Variants in AFMID observed in about 807,000 individuals in gnomAD.
AFMID encodes the protein kynurenine formamidase.
AFMID carries 39 observed loss-of-function variants against 47.5 expected under a neutral mutation model. The ratio of observed to expected loss-of-function variants is 0.82; its 90% CI spans 0.64 to 1.07. The LOEUF (loss-of-function observed/expected upper bound fraction) is 1.07. Ranked by LOEUF, AFMID falls within the 50% of genes least tolerant of loss-of-function variation. The pLI, the probability that AFMID is intolerant of heterozygous loss-of-function variation, is 0.00. For synonymous variants in AFMID, 130 were observed against 153.2 expected (o/e 0.85, Z 1.12); for missense variants, 375 against 387.5 (o/e 0.97, Z 0.27).
At chr17:78,204,511 C>T (rs2076325110) in intron 4 of AFMID, 145 bp from the exon 5 acceptor site, 5 of 752,514 alleles carry the variant, frequency 6.6e-6, no homozygotes, top group Admixed American at 2.1e-5. Context: ...AGGGAGAGAG[C>T]CTGTCCGCTT....
intron 1 of AFMID, among the ~76,000 whole-genome samples, chr17:78,190,006 A>AT (rs747076877): frequency 1.4e-5 from 2 of 147,512 alleles, no homozygotes; most frequent in Admixed American, 1.4e-4. Flanking sequence ...TAATTTTTGT[A>AT]TTTTTAGTAG....
intron 10 of AFMID, 83 bp downstream of exon 10, chr17:78,206,133 C>T (rs2076374373): frequency 8.4e-7 from 1 of 1,185,230 alleles, no homozygotes; most frequent in African/African-American, 1.5e-5. Flanking sequence ...ACCAGGAGTT[C>T]AAGACCAGCC....
chr17:78,204,927 C>G (rs1168336376), intron 6 of AFMID, 27 bp downstream of exon 6: 2 of 1,613,928 alleles, frequency 1.2e-6, no homozygotes, highest in Non-Finnish European at 1.7e-6. Context: ...GATTTTCTTC[C>G]TGTTGGACCT....
chr17:78,202,650 G>A, intron 3 of AFMID, 47 bp downstream of exon 3: 1 of 1,578,962 alleles, frequency 6.3e-7, no homozygotes, highest in South Asian at 1.1e-5. Context: ...GGGTCCAGTG[G>A]CAGAGCTCAG....
chr17:78,205,083 C>T lies in AFMID; in HGVS notation c.468-10C>T. The T allele has an allele frequency of 6.2e-7, 1 of 1,605,488 alleles. No individual in the cohort carries two copies. Among genetic ancestry groups the T allele is most frequent in the Non-Finnish European group, 8.5e-7 (1 of 1,175,550 alleles). The stretch of plus-strand genomic sequence containing the variant: ...GTGCAAATCCAGCTCTCTGCTCTGA[C>T]CCCTCCCAGGGGAATTTACCTGTGT... On this transcript the variant is annotated splice_polypyrimidine_tract_variant and intron_variant, in intron 6 of 10. Coordinates refer to ENST00000409257, the MANE Select transcript of AFMID (RefSeq NM_001010982.5).
At chr17:78,190,352 C>T (rs1056870137) in intron 1 of AFMID, among the ~76,000 whole-genome samples, 3 of 152,082 alleles carry the variant, frequency 2.0e-5, no homozygotes, top group African/African-American at 7.2e-5. Context: ...GTGCAGTGAC[C>T]TCCTGTGGTC....
chr17:78,201,773 C>T (rs2145871158), intron 2 of AFMID, among the ~76,000 whole-genome samples: 1 of 152,196 alleles, frequency 6.6e-6, no homozygotes, highest in South Asian at 2.1e-4. Context: ...CTCTGTCCCC[C>T]AGGCTAGAGT....
intron 10 of AFMID, among the ~76,000 whole-genome samples, chr17:78,206,666 C>A (rs2076392352): frequency 6.6e-6 from 1 of 151,638 alleles, no homozygotes; most frequent in Non-Finnish European, 1.5e-5. Flanking sequence ...CCTCCTTCAT[C>A]TTCTTTCTTC....
At position 78,190,566 on chromosome 17, in the gene AFMID, G is replaced by A. The variant is rs188003991; in HGVS notation, c.64-404G>A. 13 of 172,476 alleles carry A rather than the reference G, an allele frequency of 7.5e-5. No individual in the cohort carries two copies. The East Asian group carries it at 2.1e-3, about 28-fold the overall frequency. The allele number at this position is 172,476 out of a possible 1,614,324, so 10.7% of individuals were successfully genotyped here. On this transcript the variant is annotated intron_variant, in intron 1 of 10. Coordinates refer to ENST00000409257, the MANE Select transcript of AFMID (RefSeq NM_001010982.5). ...ACACCACCACGCTCGGCTAGTTTTTGTTTTCAGTAGAGATGGGGTTTTGCC... is the reference window on the plus strand; with the variant it reads ...ACACCACCACGCTCGGCTAGTTTTTATTTTCAGTAGAGATGGGGTTTTGCC...
rs747390911 is a variant in AFMID at position 78,202,750 on chromosome 17, A to G, written c.307A>G (p.Ser103Gly). 3.9e-6 allele frequency: 6 copies of G among 1,557,008 alleles called. No homozygotes were observed. Among genetic ancestry groups the G allele is most frequent in the Admixed American group, 2.0e-5 (1 of 51,194 alleles). ...TCACGGAGGATACTGGCAGAGCGGA[A>G]GGTGAGTCGGGGGATGTGGATGGTG... Reference protein sequence around the residue: ...FFHGGYWQSGSKDESAFMVHP... With the variant: ...FFHGGYWQSGGKDESAFMVHP... Residue 103 changes from serine (S) to glycine (G), a missense_variant and splice_region_variant, in exon 4 of 11, where the codon AGT becomes GGT. Coordinates refer to ENST00000409257, the MANE Select transcript of AFMID (RefSeq NM_001010982.5).
Position 78,207,373 on chromosome 17 carries a change from T to G in AFMID, c.*436T>G, listed in dbSNP as rs986565424. ...ATCTTGGCTCACTGCAACCTCCACCTCCCGGGTTCAAGCAATTCTCCTGCC... is the reference window on the plus strand; with the variant it reads ...ATCTTGGCTCACTGCAACCTCCACCGCCCGGGTTCAAGCAATTCTCCTGCC... On this transcript the variant is annotated 3_prime_UTR_variant, in exon 11 of 11. Transcript: ENST00000409257. The G allele has an allele frequency of 4.4e-5, 6 of 135,390 alleles. No homozygotes were observed. Among genetic ancestry groups the G allele is most frequent in the African/African-American group, 1.9e-4 (6 of 31,208 alleles). 8.4% of individuals were successfully genotyped at this position (135,390 alleles called of 1,614,324 possible).
In AFMID at chr17:78,187,507, G is replaced by A; in HGVS notation, c.63+74G>A. 4 of 1,583,942 alleles carry A rather than the reference G, an allele frequency of 2.5e-6. No individual in the cohort carries two copies. The South Asian group carries it at 4.4e-5, about 18-fold the overall frequency. ...ATTTATTAGATTGGAATTCCAAGAA[G>A]GAAGCTTAGAAGCCGTCTAGAGCAC... On this transcript the variant is annotated intron_variant, in intron 1 of 10. Coordinates refer to ENST00000409257, the MANE Select transcript of AFMID (RefSeq NM_001010982.5).
intron 2 of AFMID, among the ~76,000 whole-genome samples, chr17:78,194,252 A>G (rs2076051802): frequency 6.6e-6 from 1 of 151,706 alleles, no homozygotes; most frequent in Non-Finnish European, 1.5e-5. Flanking sequence ...CAGCCTCCCG[A>G]GTAGCTGGAA....
In AFMID at chr17:78,204,724, A is replaced by G. The variant is rs756880800; in HGVS notation, c.377A>G (p.Tyr126Cys). The G allele has an allele frequency of 9.5e-5, 154 of 1,614,032 alleles. No homozygotes were observed. Among genetic ancestry groups the G allele is most frequent in the Non-Finnish European group, 1.2e-4 (145 of 1,180,056 alleles). ...GGAGTGGCCGTGGTAATAGTGGCTT[A>G]CGGCATCGCCCCCAAAGGTAATAGG... is the stretch of plus-strand genomic sequence containing the variant. Reference protein sequence around the residue: ...AQGVAVVIVAYGIAPKGTLDH... With the variant: ...AQGVAVVIVACGIAPKGTLDH... The change falls in exon 5 of 11, where the codon TAC becomes TGC. Residue 126 changes from tyrosine (Y) to cysteine (C), a missense_variant. Tyr to Cys is a radical substitution (Grantham distance 194, BLOSUM62 -2). Transcript: ENST00000409257.
intron 2 of AFMID, chr17:78,197,016 AT>A: frequency 1.3e-6 from 1 of 784,536 alleles, no homozygotes; most frequent in East Asian, 2.7e-5. Flanking sequence ...GTTTTTTAAT[AT>A]CTGAGAGAGG....
chr17:78,193,793 C>A (rs898919033), intron 2 of AFMID, among the ~76,000 whole-genome samples: 1 of 151,860 alleles, frequency 6.6e-6, no homozygotes, highest in African/African-American at 2.4e-5. Context: ...CTGGCTAACA[C>A]GGTGAAACCC....
intron 2 of AFMID, 73 bp downstream of exon 2, chr17:78,191,133 T>C (rs966952908): frequency 1.5e-6 from 2 of 1,375,946 alleles, no homozygotes; most frequent in Admixed American, 1.9e-5. Flanking sequence ...ATGCTGGGGG[T>C]TGGGGGGGCT....
chr17:78,188,607 T>C (rs1464909811), intron 1 of AFMID, among the ~76,000 whole-genome samples: 2 of 149,004 alleles, frequency 1.3e-5, no homozygotes, highest in Non-Finnish European at 3.0e-5. Context: ...TTTTTTTTTT[T>C]TTCTTTTGAG....
In AFMID at chr17:78,207,301, T is replaced by A. The variant is rs2076407154; in HGVS notation, c.*364T>A. The A allele has an allele frequency of 4.8e-6, 1 of 210,306 alleles. No homozygotes were observed. Among genetic ancestry groups the A allele is most frequent in the Non-Finnish European group, 8.6e-6 (1 of 115,942 alleles). 13.0% of individuals were successfully genotyped at this position (210,306 alleles called of 1,614,324 possible). A position where few individuals can be genotyped will look rare whatever the true frequency, so the allele number is the denominator to read the frequency against. On this transcript the variant is annotated 3_prime_UTR_variant, in exon 11 of 11. Transcript: ENST00000409257. ...TTTTTTTTTTTTTTTTTTTTTTTTT[T>A]GAGATGGAGTCTTACTCTGTCACCC...
Sources: allele counts gnomAD v4.1 joint callset (sites outside exome capture counted in the v4.1 genomes callset), GRCh38; gene constraint gnomAD v4.1.1; transcripts MANE v1.5; gene names NCBI Gene and HGNC (gene_info 2026-07-23, HGNC 2026-07-21).